Variants in SLIT3 observed in about 807,000 individuals in gnomAD.
SLIT3 encodes slit guidance ligand 3.
SLIT3 carries 68 observed loss-of-function variants against 184.0 expected under a neutral mutation model. The observed-to-expected ratio is 0.37, with a 90% CI of 0.30 to 0.45. The LOEUF (loss-of-function observed/expected upper bound fraction) is 0.45. Among genes scored for constraint, SLIT3 ranks in the 20% least tolerant of loss-of-function variants. The pLI, the probability that SLIT3 is intolerant of heterozygous loss-of-function variation, is 1.00. For synonymous variants in SLIT3, 831 were observed against 828.6 expected, an observed-to-expected ratio of 1.00 and a Z score of -0.05; for missense variants, 1,707 against 2,026.0, an observed-to-expected ratio of 0.84 and a Z score of 3.02.
At chr5:168,711,872 G>A (rs1762571084) in intron 24 of SLIT3, among the ~76,000 whole-genome samples, 1 of 152,182 alleles carries the variant, frequency 6.6e-6, no homozygotes. Context: ...GTGCAAAGTG[G>A]TTAAGAATAT....
intron 4 of SLIT3, among the ~76,000 whole-genome samples, chr5:169,193,000 C>G (rs368431902): frequency 6.6e-6 from 1 of 152,102 alleles, no homozygotes; most frequent in Non-Finnish European, 1.5e-5. Flanking sequence ...AATCATAAAC[C>G]CCCAGACCCA....
chr5:169,048,289 A>G (rs961393785), intron 4 of SLIT3, among the ~76,000 whole-genome samples: 5 of 152,192 alleles, frequency 3.3e-5, no homozygotes, highest in Admixed American at 3.3e-4. Flanking sequence ...ATCTACATAG[A>G]GCTATAATAT....
intron 1 of SLIT3, among the ~76,000 whole-genome samples, chr5:169,265,232 T>TA (rs1478158320): frequency 1.3e-5 from 2 of 152,212 alleles, no homozygotes; most frequent in Non-Finnish European, 2.9e-5. Flanking sequence ...ACTTGCAAAC[T>TA]GGTAGCCCAC....
intron 3 of SLIT3, among the ~76,000 whole-genome samples, chr5:169,206,821 GT>G (rs1283263727): frequency 6.6e-6 from 1 of 152,096 alleles, no homozygotes; most frequent in Non-Finnish European, 1.5e-5. Flanking sequence ...ATAATTATCT[GT>G]GACCAATTCT....
chr5:169,201,536 G>T (rs1174141272), intron 3 of SLIT3, among the ~76,000 whole-genome samples: 2 of 152,168 alleles, frequency 1.3e-5, no homozygotes, highest in African/African-American at 4.8e-5. Context: ...GTCCCTAGAT[G>T]TCCCAAGAGG....
At chr5:168,692,736 C>G (rs749454576) in intron 28 of SLIT3, 36 bp from the exon 29 acceptor site, 1 of 1,518,224 alleles carries the variant, frequency 6.6e-7, no homozygotes, top group East Asian at 2.2e-5. Flanking sequence ...AGGCCTCAGG[C>G]AGGGTAGGGA....
At chr5:169,077,996 A>T (rs1302127368) in intron 4 of SLIT3, among the ~76,000 whole-genome samples, 3 of 152,150 alleles carry the variant, frequency 2.0e-5, no homozygotes, top group African/African-American at 7.2e-5. Flanking sequence ...TCTCCAACCC[A>T]TACAGGATCA....
intron 4 of SLIT3, among the ~76,000 whole-genome samples, chr5:168,950,648 T>A (rs1413947288): frequency 6.6e-6 from 1 of 152,266 alleles, no homozygotes; most frequent in Non-Finnish European, 1.5e-5. Context: ...AGGCCATAGT[T>A]TGCTGAACTT....
chr5:168,709,691 G>A (rs1274072744), intron 25 of SLIT3, among the ~76,000 whole-genome samples: 1 of 152,238 alleles, frequency 6.6e-6, no homozygotes, highest in East Asian at 1.9e-4. Flanking sequence ...GGTAATTAAA[G>A]TGTATCTATA....
chr5:169,231,487 C>G (rs897339066), intron 3 of SLIT3, among the ~76,000 whole-genome samples: 3 of 152,168 alleles, frequency 2.0e-5, no homozygotes, highest in Non-Finnish European at 4.4e-5. Flanking sequence ...CGGTTTTTGT[C>G]CCCGATTATG....
intron 23 of SLIT3, among the ~76,000 whole-genome samples, chr5:168,716,735 G>C (rs1762750495): frequency 6.6e-6 from 1 of 151,748 alleles, no homozygotes; most frequent in Non-Finnish European, 1.5e-5. Context: ...TCCCATCAGA[G>C]GCCTCTCTGG....
intron 4 of SLIT3, among the ~76,000 whole-genome samples, chr5:168,890,516 C>A (rs1053001870): frequency 1.3e-5 from 2 of 152,170 alleles, no homozygotes; most frequent in African/African-American, 4.8e-5. Context: ...GCTATGAGAA[C>A]AAAATACACA....
At chr5:168,841,776 C>T (rs1462600565) in intron 6 of SLIT3, among the ~76,000 whole-genome samples, 1 of 152,216 alleles carries the variant, frequency 6.6e-6, no homozygotes, top group African/African-American at 2.4e-5. Flanking sequence ...GACATCCATA[C>T]ACTTTCCTTA....
chr5:169,040,178 G>C (rs770269920), intron 4 of SLIT3, among the ~76,000 whole-genome samples: 13 of 152,250 alleles, frequency 8.5e-5, no homozygotes, highest in Non-Finnish European at 1.6e-4. Flanking sequence ...GTATATCAAG[G>C]CATGTGCAAT....
At chr5:168,947,969 T>C (rs996957864) in intron 4 of SLIT3, among the ~76,000 whole-genome samples, 5 of 133,686 alleles carry the variant, frequency 3.7e-5, no homozygotes, top group African/African-American at 1.4e-4. Context: ...TTTTGTATTT[T>C]TAGTAGAGAT....
chr5:169,281,292 C>T (rs62376946), intron 1 of SLIT3, among the ~76,000 whole-genome samples: 10,033 of 152,260 alleles, frequency 0.066, 491 homozygotes, highest in East Asian at 0.27. Flanking sequence ...TCCTGGCCAA[C>T]ATGGTGAAAC....
At chr5:169,228,621 T>C (rs540349766) in intron 3 of SLIT3, among the ~76,000 whole-genome samples, 1 of 152,322 alleles carries the variant, frequency 6.6e-6, no homozygotes, top group East Asian at 1.9e-4. Flanking sequence ...TGTTTGGTGC[T>C]TTTTGGTCTC....
intron 3 of SLIT3, among the ~76,000 whole-genome samples, chr5:169,196,306 C>T (rs142509183): frequency 8.9e-4 from 136 of 152,202 alleles, no homozygotes; most frequent in Non-Finnish European, 1.6e-3. Flanking sequence ...TGGGATTCAC[C>T]GGGGCTGGGC....
At chr5:169,111,356 T>C (rs940170921) in intron 4 of SLIT3, among the ~76,000 whole-genome samples, 3 of 152,256 alleles carry the variant, frequency 2.0e-5, no homozygotes, top group African/African-American at 7.2e-5. Context: ...CTGTGTCAGA[T>C]GATAAGTATT....
Sources: allele counts gnomAD v4.1 joint callset (sites outside exome capture counted in the v4.1 genomes callset), GRCh38; gene constraint gnomAD v4.1.1; transcripts MANE v1.5; gene names NCBI Gene and HGNC (gene_info 2026-07-23, HGNC 2026-07-21).